Variants in MMAB observed in about 807,000 individuals in gnomAD.
The protein encoded by MMAB is corrinoid adenosyltransferase MMAB.
MMAB carries 17 observed loss-of-function variants against 30.6 expected under a neutral mutation model. The observed-to-expected ratio is 0.56, with a 90% confidence interval of 0.38 to 0.83. MMAB has a LOEUF of 0.83. Among genes scored for constraint, MMAB ranks in the 40% least tolerant of loss-of-function variants. MMAB has a pLI of 0.00. For missense variants in MMAB, 311 were observed against 331.6 expected (o/e 0.94, Z 0.48); for synonymous variants, 134 against 138.6 (o/e 0.97, Z 0.23).
chr12:109,555,690 C>T lies in MMAB; in HGVS notation c.*1338G>A, dbSNP rs905574451. On this transcript the variant is annotated 3_prime_UTR_variant, in exon 9 of 9. Coordinates refer to ENST00000545712, the MANE Select transcript of MMAB (RefSeq NM_052845.4). ...TTCACACACTCCTGGTCATCTGCAC[C>T]TCACCCACCCTGCCCAAGGCTCAAG... 1 of 453,608 alleles carries T rather than the reference C, an allele frequency of 2.2e-6. No homozygotes were observed. The highest frequency in any genetic ancestry group is 4.4e-6 in the Non-Finnish European group (1 of 226,568). 28.1% of individuals were successfully genotyped at this position (453,608 alleles called of 1,614,324 possible).
intron 7 of MMAB, among the ~76,000 whole-genome samples, chr12:109,560,709 T>C (rs546612622): frequency 6.6e-6 from 1 of 152,338 alleles, no homozygotes; most frequent in African/African-American, 2.4e-5. Context: ...CCTGCTGTTC[T>C]CAGAATACAG....
At chr12:109,562,267 A>G (rs1884241117) in intron 4 of MMAB, among the ~76,000 whole-genome samples, 1 of 152,206 alleles carries the variant, frequency 6.6e-6, no homozygotes, top group African/African-American at 2.4e-5. Flanking sequence ...CAGAAGCAGA[A>G]GCCTGTACAG....
intron 7 of MMAB, among the ~76,000 whole-genome samples, chr12:109,559,410 T>C (rs1025421879): frequency 5.3e-5 from 8 of 152,090 alleles, no homozygotes; most frequent in African/African-American, 1.9e-4. Context: ...GGGAGCCACC[T>C]GGCCTACACC....
chr12:109,556,646 TCTCACACACACACACACACACACA>T lies in MMAB; in HGVS notation c.*358_*381del, dbSNP rs1308356113. On this transcript the variant is annotated 3_prime_UTR_variant, in exon 9 of 9. Coordinates refer to ENST00000545712, the MANE Select transcript of MMAB (RefSeq NM_052845.4). ...CTGAGCTGGCAGTGGGAGGGCTCTC[TCTCACACACACACACACACACACA>T]CACACACACACACACACACACACGG... 3 of 427,866 alleles carry T rather than the reference TCTCACACACACACACACACACACA, an allele frequency of 7.0e-6. No individual in the cohort carries two copies. The highest frequency in any genetic ancestry group is 9.1e-6 in the Non-Finnish European group (2 of 219,404). The allele number at this position is 427,866 out of a possible 1,614,324, so 26.5% of individuals were successfully genotyped here. A position where few individuals can be genotyped will look rare whatever the true frequency, so the allele number is the denominator to read the frequency against.
At chr12:109,557,572 C>T (rs1318795212) in intron 8 of MMAB, among the ~76,000 whole-genome samples, 2 of 152,204 alleles carry the variant, frequency 1.3e-5, no homozygotes, top group African/African-American at 2.4e-5. Flanking sequence ...GGGCTGGGCC[C>T]GGGGCTCTGC....
intron 7 of MMAB, 22 bp from the exon 8 acceptor site, chr12:109,559,177 A>C: frequency 6.3e-7 from 1 of 1,599,440 alleles, no homozygotes; most frequent in East Asian, 2.2e-5. Context: ...GGAGACACTG[A>C]GTCACGTGAC....
rs550461600 is a variant in MMAB, at chr12:109,573,393, G to A, written c.88C>T (p.Pro30Ser). ...GCFGAARLLY[P>S]RFQSRGPQGV... Reference sequence around the variant, plus strand: ...TGAGGGCCGCGGCTCTGGAAACGGGGATACAGGAGCCTGGCGGCGCCGAAG... The same window carrying A: ...TGAGGGCCGCGGCTCTGGAAACGGGAATACAGGAGCCTGGCGGCGCCGAAG... The change falls in exon 1 of 9, where the codon CCC (proline) becomes TCC (serine). Residue 30 changes from proline to serine, a missense_variant. Pro to Ser is a moderately conservative substitution (Grantham distance 74). Transcript: ENST00000545712. 1.6e-5 allele frequency: 26 copies of A among 1,612,352 alleles called. No homozygotes were observed. The South Asian group carries it at 2.4e-4, about 15-fold the overall frequency.
rs758697007 is a variant in MMAB, at chr12:109,555,626, G to A, written c.*1402C>T. Reference sequence around the variant, plus strand: ...TACCAGACCTGGTAGTGACGATGGGGGCAGGGAGGCACGGAACAAAGCCAC... The same window carrying A: ...TACCAGACCTGGTAGTGACGATGGGAGCAGGGAGGCACGGAACAAAGCCAC... On this transcript the variant is annotated 3_prime_UTR_variant, in exon 9 of 9. Coordinates refer to ENST00000545712, the MANE Select transcript of MMAB (RefSeq NM_052845.4). 3 of 451,386 alleles carry A rather than the reference G, an allele frequency of 6.6e-6. No individual in the cohort carries two copies. The highest frequency in any genetic ancestry group is 2.0e-5 in the African/African-American group (1 of 49,764). 28.0% of individuals were successfully genotyped at this position (451,386 alleles called of 1,614,324 possible). A position where few individuals can be genotyped will look rare whatever the true frequency, so the allele number is the denominator to read the frequency against.
At position 109,569,523 on chromosome 12, in the gene MMAB, A is replaced by AT. The variant is rs1358616747; in HGVS notation, c.197-661dup. 6.6e-6 allele frequency among the ~76,000 whole-genome samples: 1 copy of AT among 152,184 alleles called. No homozygotes were observed. The highest frequency in any genetic ancestry group is 2.4e-5 in the African/African-American group (1 of 41,438). ...GATAAAGAAATACAACACGTTCTAT[A>AT]TTTTATATCATATATACATTACCAT... On this transcript the variant is annotated intron_variant, in intron 2 of 8. Coordinates refer to ENST00000545712, the MANE Select transcript of MMAB (RefSeq NM_052845.4). This position sits in a 1 kb window ranked among gnomAD's most constrained non-coding sequence, Gnocchi z 4.1.
At chr12:109,559,219 C>T (rs1884103330) in intron 7 of MMAB, 64 bp from the exon 8 acceptor site, 25 of 1,272,930 alleles carry the variant, frequency 2.0e-5, no homozygotes, top group Non-Finnish European at 2.8e-5. Flanking sequence ...TGACCTGGGC[C>T]TAAACCTTGA....
At chr12:109,563,355 G>A (rs1006023670) in intron 4 of MMAB, among the ~76,000 whole-genome samples, 11 of 152,228 alleles carry the variant, frequency 7.2e-5, no homozygotes, top group Admixed American at 2.6e-4. Flanking sequence ...TCCACCTCAC[G>A]GGTGTCTGTG....
At chr12:109,568,606 C>T (rs771397493) in intron 3 of MMAB, 164 bp downstream of exon 3, 2 of 709,274 alleles carry the variant, frequency 2.8e-6, no homozygotes, top group Non-Finnish European at 5.2e-6. Context: ...TGCAGCCCCA[C>T]AGCCTTGTGG....
chr12:109,561,594 C>A lies in MMAB; in HGVS notation c.422-77G>T. 7.5e-7 allele frequency: 1 copy of A among 1,339,044 alleles called. No individual in the cohort carries two copies. 82.9% of individuals were successfully genotyped at this position (1,339,044 alleles called of 1,614,324 possible). ...CCATGGCGGGAACCACCCCCGCCGC[C>A]CTTCCACCTGGGTGTCCCGCAGACT... is the stretch of plus-strand genomic sequence containing the variant. On this transcript the variant is annotated intron_variant, in intron 5 of 8. Transcript: ENST00000545712. The surrounding 1 kb of genome is among the most constrained non-coding windows in gnomAD (Gnocchi z 5.3).
chr12:109,565,504 G>A (rs1593001841), intron 3 of MMAB, among the ~76,000 whole-genome samples: 1 of 152,324 alleles, frequency 6.6e-6, no homozygotes, highest in Middle Eastern at 3.4e-3. Flanking sequence ...AGCAGTGACA[G>A]TCTCAAGTGC....
In MMAB at chr12:109,556,648, TCACACACACACACACACACACACA is replaced by T. The variant is rs67024670; in HGVS notation, c.*356_*379del. Reference sequence around the variant, plus strand: ...GAGCTGGCAGTGGGAGGGCTCTCTCTCACACACACACACACACACACACACACACACACACACACACACACGGCT... The same window carrying T: ...GAGCTGGCAGTGGGAGGGCTCTCTCTCACACACACACACACACACACGGCT... On this transcript the variant is annotated 3_prime_UTR_variant, in exon 9 of 9. Coordinates refer to ENST00000545712, the MANE Select transcript of MMAB (RefSeq NM_052845.4). The T allele has an allele frequency of 2.4e-5, 8 of 328,308 alleles. No individual in the cohort carries two copies. The highest frequency in any genetic ancestry group is 4.4e-5 in the South Asian group (2 of 45,932). The allele number at this position is 328,308 out of a possible 1,614,324, so 20.3% of individuals were successfully genotyped here.
At chr12:109,565,333 C>T (rs766091346) in intron 3 of MMAB, among the ~76,000 whole-genome samples, 157 bp from the exon 4 acceptor site, 6 of 152,196 alleles carry the variant, frequency 3.9e-5, no homozygotes, top group Non-Finnish European at 8.8e-5. Context: ...TTATAGCCTT[C>T]CATTTGGGGG....
At chr12:109,557,306 G>A (rs1283809640) in intron 8 of MMAB, among the ~76,000 whole-genome samples, 170 bp from the exon 9 acceptor site, 5 of 152,268 alleles carry the variant, frequency 3.3e-5, no homozygotes, top group African/African-American at 7.2e-5. Flanking sequence ...GATGGCACAC[G>A]AGGCCAGCTG....
rs1319474396 is a variant in MMAB at position 109,557,073 on chromosome 12, T to C, written c.708A>G (p.Lys236=). Residue 236 remains lysine, a synonymous_variant, in exon 9 of 9, where the codon AAA becomes AAG. Transcript: ENST00000545712. ...CCGATGGGTCATTTTTCATGTATAT[T>C]TTCTCTTGATTCCCCTCCTTCATGG... is the stretch of plus-strand genomic sequence containing the variant. The part of the protein sequence containing the change: ...YAAMKEGNQE[K]IYMKNDPSAE... The C allele has an allele frequency of 6.2e-7, 1 of 1,613,854 alleles. No individual in the cohort carries two copies. Among genetic ancestry groups the C allele is most frequent in the African/African-American group, 1.3e-5 (1 of 74,938 alleles).
At chr12:109,557,930 G>A (rs780780174) in intron 8 of MMAB, among the ~76,000 whole-genome samples, 3 of 152,328 alleles carry the variant, frequency 2.0e-5, no homozygotes, top group South Asian at 4.1e-4. Context: ...AGAGGACGAC[G>A]CCACGGGCCC....
Sources: gnomAD v4.1 joint callset for allele counts (sites outside exome capture counted in the v4.1 genomes callset) on GRCh38, gnomAD v4.1.1 for gene constraint, Gnocchi (gnomAD v3.1) non-coding constraint, MANE v1.5 for transcripts, NCBI Gene and HGNC (gene_info 2026-07-23, HGNC 2026-07-21) for gene names.